Variants in NOX4 observed in about 807,000 individuals in gnomAD.
NOX4 encodes the protein NADPH oxidase 4, also known as kidney oxidase-1.
A neutral mutation model predicts 87.6 loss-of-function variants in NOX4; 69 were observed. That is an observed-to-expected ratio of 0.79 (90% confidence interval 0.65 to 0.96). The LOEUF is 0.96. Among genes scored for constraint, NOX4 ranks in the 40% least tolerant of loss-of-function variants. The pLI, the probability that NOX4 is intolerant of heterozygous loss-of-function variation, is 0.00. For missense variants in NOX4, 680 were observed against 681.5 expected (o/e 1.00, Z 0.02); for synonymous variants, 275 against 238.2 (o/e 1.15, Z -1.42).
In NOX4 at chr11:89,449,508, G is replaced by A. The variant is rs780430412; in HGVS notation, c.281C>T (p.Thr94Ile). The A allele has an allele frequency of 1.8e-5, 29 of 1,611,196 alleles. 1 individual carries two copies. The East Asian group carries it at 6.5e-4, about 36-fold the overall frequency. ...RGSQKVPSRR[T>I]RRLLDKSRTF... ...TCTGCTTTTATCCAACAATCTCCTG[G>A]TTCTCCTGCTTGGAACCTAAACAAA... Residue 94 changes from threonine (T) to isoleucine (I), a missense_variant, in exon 4 of 18, where the codon ACC (threonine) becomes ATC (isoleucine). By Grantham distance (89) the Thr-to-Ile change is moderately conservative (BLOSUM62 -1). Transcript: ENST00000263317.
chr11:89,352,050 A>G (rs1946478934), intron 13 of NOX4, among the ~76,000 whole-genome samples: 1 of 152,210 alleles, frequency 6.6e-6, no homozygotes, highest in Non-Finnish European at 1.5e-5. Context: ...AGTGGGAGCT[A>G]GATGATGTGT....
intron 14 of NOX4, 98 bp downstream of exon 14, chr11:89,341,976 A>G (rs1565177579): frequency 9.2e-7 from 1 of 1,082,024 alleles, no homozygotes; most frequent in Non-Finnish European, 1.3e-6. Flanking sequence ...CAACAAGTAG[A>G]ATAATTCAAT....
At chr11:89,520,689 G>C in the NOX4 span, among the ~76,000 whole-genome samples, 1 of 152,068 alleles carries the variant, frequency 6.6e-6, no homozygotes, top group Non-Finnish European at 1.5e-5. Flanking sequence ...GGACGGAAGT[G>C]CTAGCTAGAG....
intron 8 of NOX4, among the ~76,000 whole-genome samples, chr11:89,405,746 A>T (rs1406439835): frequency 5.4e-5 from 6 of 110,684 alleles, no homozygotes; most frequent in Admixed American, 5.2e-4. Context: ...CCTACTGGTT[A>T]AAAAAGAAAA....
the NOX4 span, among the ~76,000 whole-genome samples, chr11:89,537,939 T>G: frequency 2.3e-3 from 346 of 152,344 alleles, 8 homozygotes; most frequent in Admixed American, 0.021. Flanking sequence ...CCACCTACTT[T>G]GATAACCTCT....
At chr11:89,573,424 T>C in the NOX4 span, among the ~76,000 whole-genome samples, 1 of 152,158 alleles carries the variant, frequency 6.6e-6, no homozygotes, top group Non-Finnish European at 1.5e-5. Context: ...CTGTAGTCTC[T>C]GCTACTCAGG....
At chr11:89,421,706 A>G (rs1232275787) in intron 8 of NOX4, among the ~76,000 whole-genome samples, 196 bp downstream of exon 8, 1 of 152,146 alleles carries the variant, frequency 6.6e-6, no homozygotes, top group Non-Finnish European at 1.5e-5. Context: ...TATACTTTAT[A>G]CTGGTTTCAT....
upstream of NOX4, among the ~76,000 whole-genome samples, chr11:89,494,065 T>A (rs541602709): frequency 1.3e-5 from 2 of 152,282 alleles, no homozygotes; most frequent in South Asian, 4.1e-4. Flanking sequence ...AACCAGATTG[T>A]TTAATGACAT....
upstream of NOX4, among the ~76,000 whole-genome samples, chr11:89,495,034 C>G (rs79633471): frequency 2.2e-3 from 340 of 152,296 alleles, no homozygotes; most frequent in Middle Eastern, 6.8e-3. Context: ...CCTTGACCAC[C>G]CAAGCTCAGG....
At chr11:89,480,525 T>C (rs900339525) in intron 2 of NOX4, among the ~76,000 whole-genome samples, 1 of 152,200 alleles carries the variant, frequency 6.6e-6, no homozygotes, top group Non-Finnish European at 1.5e-5. Context: ...TGAATTATTT[T>C]ATGAGGCTGT....
intron 2 of NOX4, among the ~76,000 whole-genome samples, chr11:89,459,863 A>G (rs1372914733): frequency 6.6e-6 from 1 of 152,238 alleles, no homozygotes; most frequent in East Asian, 1.9e-4. Context: ...GTCAATCCTA[A>G]GCCAAAAGAA....
rs567554273 is a variant in NOX4 at position 89,456,706 on chromosome 11, C to T, written c.154-4811G>A. 4.6e-5 allele frequency among the ~76,000 whole-genome samples: 7 copies of T among 152,266 alleles called. No individual in the cohort carries two copies. In the East Asian group the frequency reaches 1.4e-3, roughly 29 times the overall value. On this transcript the variant is annotated intron_variant, in intron 2 of 17. Transcript: ENST00000263317. The stretch of plus-strand genomic sequence containing the variant: ...ATCCTGGCAACAAGACAGCCCATGA[C>T]TCCCACGGACACTTGAGCTGGCAGA...
chr11:89,354,620 T>C (rs765433138), intron 13 of NOX4, among the ~76,000 whole-genome samples: 54 of 152,078 alleles, frequency 3.6e-4, no homozygotes, highest in Non-Finnish European at 6.5e-4. Context: ...TAAAGGACAG[T>C]AAATAGAAAA....
intron 5 of NOX4, among the ~76,000 whole-genome samples, chr11:89,443,066 G>A (rs1565299770): frequency 6.6e-6 from 1 of 152,116 alleles, no homozygotes; most frequent in Non-Finnish European, 1.5e-5. Flanking sequence ...GTGGTTCTCA[G>A]TGCTGGATGC....
chr11:89,476,643 T>A (rs1256871210), intron 2 of NOX4, among the ~76,000 whole-genome samples: 1 of 152,174 alleles, frequency 6.6e-6, no homozygotes, highest in Non-Finnish European at 1.5e-5. Context: ...AAATACCATA[T>A]AATAATTATA....
chr11:89,436,478 C>A (rs1026350526), intron 6 of NOX4, among the ~76,000 whole-genome samples: 1 of 152,102 alleles, frequency 6.6e-6, no homozygotes, highest in Non-Finnish European at 1.5e-5. Flanking sequence ...GTTAGGAAGC[C>A]AAACCTATAC....
chr11:89,414,884 G>A (rs10830271), intron 8 of NOX4, among the ~76,000 whole-genome samples: 66,225 of 150,912 alleles, frequency 0.44, 15,680 homozygotes, highest in African/African-American at 0.63. Context: ...TTACATGGAC[G>A]AATAGAAAAA....
intron 17 of NOX4, among the ~76,000 whole-genome samples, chr11:89,332,564 T>G (rs1385226680): frequency 6.6e-6 from 1 of 151,944 alleles, no homozygotes; most frequent in East Asian, 1.9e-4. Flanking sequence ...AATTAGTTAT[T>G]AATTCTTTTA....
chr11:89,435,499 C>A (rs915985164), intron 6 of NOX4, among the ~76,000 whole-genome samples: 1 of 151,970 alleles, frequency 6.6e-6, no homozygotes, highest in Non-Finnish European at 1.5e-5. Flanking sequence ...ACTAAAAATA[C>A]TATAACCATT....
Sources: gnomAD v4.1 joint callset for allele counts (sites outside exome capture counted in the v4.1 genomes callset) on GRCh38, gnomAD v4.1.1 for gene constraint, MANE v1.5 for transcripts, NCBI Gene and HGNC (gene_info 2026-07-23, HGNC 2026-07-21) for gene names.